Variants in GADL1 observed in about 807,000 individuals in gnomAD.
The protein encoded by GADL1 is acidic amino acid decarboxylase GADL1.
Under a neutral mutation model 69.5 loss-of-function variants are expected in GADL1, and 71 were observed. The ratio of observed to expected loss-of-function variants is 1.02; its 90% confidence interval spans 0.84 to 1.25. GADL1 has a LOEUF of 1.25. Ranked by LOEUF, GADL1 falls within the 50% of genes most tolerant of loss-of-function variation. The pLI, the probability that GADL1 is intolerant of heterozygous loss-of-function variation, is 0.00. For missense variants in GADL1, 737 were observed against 631.8 expected, an observed-to-expected ratio of 1.17 and a Z score of -1.79; for synonymous variants, 254 against 214.4, an observed-to-expected ratio of 1.18 and a Z score of -1.62.
intron 14 of GADL1, among the ~76,000 whole-genome samples, chr3:30,763,508 G>T (rs1233869880): frequency 3.2e-5 from 3 of 93,320 alleles, no homozygotes; most frequent in East Asian, 3.0e-4. Flanking sequence ...TCTCGGCGGC[G>T]GGGGGTGGGG....
chr3:30,861,777 C>A lies in GADL1; in HGVS notation c.38-12G>T. ...TTGATCAATATCTCCTGGAAGCAAG[C>A]AAACAAATTGTGTTTGAGAGATAAT... On this transcript the variant is annotated splice_polypyrimidine_tract_variant and intron_variant, in intron 1 of 14. Transcript: ENST00000282538. 6.5e-7 allele frequency: 1 copy of A among 1,532,600 alleles called. No individual in the cohort carries two copies. Among genetic ancestry groups the A allele is most frequent in the Non-Finnish European group, 8.8e-7 (1 of 1,134,834 alleles). 94.9% of individuals were successfully genotyped at this position (1,532,600 alleles called of 1,614,324 possible).
At chr3:30,888,484 AG>A (rs1698738009) in intron 1 of GADL1, among the ~76,000 whole-genome samples, 1 of 152,158 alleles carries the variant, frequency 6.6e-6, no homozygotes, top group Non-Finnish European at 1.5e-5. Flanking sequence ...GAGAGAGAAG[AG>A]GGGTGTTCCA....
At chr3:30,780,658 A>G (rs1696646245) in intron 13 of GADL1, among the ~76,000 whole-genome samples, 1 of 152,158 alleles carries the variant, frequency 6.6e-6, no homozygotes, top group African/African-American at 2.4e-5. Flanking sequence ...TGGGTTCTAT[A>G]TTTTACAAGT....
intron 13 of GADL1, 66 bp from the exon 14 acceptor site, chr3:30,778,334 T>C (rs1696586270): frequency 3.0e-6 from 3 of 1,007,446 alleles, no homozygotes; most frequent in Non-Finnish European, 4.6e-6. Context: ...TGAAATACTT[T>C]TAAAACTCTT....
chr3:30,746,344 C>T (rs953385241), intron 14 of GADL1, among the ~76,000 whole-genome samples: 4 of 152,170 alleles, frequency 2.6e-5, no homozygotes, highest in Non-Finnish European at 4.4e-5. Flanking sequence ...CCACTCACTG[C>T]AGACCTACTG....
At chr3:30,883,779 G>C (rs1479247789) in intron 1 of GADL1, among the ~76,000 whole-genome samples, 2 of 152,016 alleles carry the variant, frequency 1.3e-5, no homozygotes, top group Non-Finnish European at 2.9e-5. Context: ...CATGAACACA[G>C]TATGTCTCTT....
intron 11 of GADL1, among the ~76,000 whole-genome samples, chr3:30,816,671 G>A (rs1421772489): frequency 6.8e-6 from 1 of 147,394 alleles, no homozygotes; most frequent in East Asian, 2.1e-4. Context: ...GCAGCCTCCC[G>A]AGTAGCTGGG....
At chr3:30,751,128 G>A (rs1407270330) in intron 14 of GADL1, among the ~76,000 whole-genome samples, 1 of 150,080 alleles carries the variant, frequency 6.7e-6, no homozygotes, top group Non-Finnish European at 1.5e-5. Context: ...GGCAGCTTAC[G>A]GGCCATATCC....
chr3:30,750,111 G>A (rs1559486221), intron 14 of GADL1, among the ~76,000 whole-genome samples: 1 of 152,250 alleles, frequency 6.6e-6, no homozygotes, highest in East Asian at 1.9e-4. Context: ...CTTCATCAAA[G>A]TAAATTAGAA....
chr3:30,793,971 T>A (rs1408178970), intron 12 of GADL1, among the ~76,000 whole-genome samples: 1 of 152,220 alleles, frequency 6.6e-6, no homozygotes, highest in African/African-American at 2.4e-5. Flanking sequence ...CTTGTGGAAT[T>A]CATCACAGAC....
At chr3:30,791,246 C>T (rs1031273623) in intron 12 of GADL1, among the ~76,000 whole-genome samples, 43 of 152,054 alleles carry the variant, frequency 2.8e-4, no homozygotes, top group African/African-American at 7.2e-5. Context: ...GTGAACCATC[C>T]TTTTTCTCCC....
At chr3:30,796,890 C>G (rs922919164) in intron 12 of GADL1, among the ~76,000 whole-genome samples, 11 of 152,288 alleles carry the variant, frequency 7.2e-5, no homozygotes, top group African/African-American at 2.6e-4. Context: ...ACCAGAATTA[C>G]TGACTTCTAA....
chr3:30,821,505 A>G lies in GADL1; in HGVS notation c.1050+12348T>C, dbSNP rs541954968. ...CCATGTGATGGGTTCGTGGAAGTTC[A>G]TCTCTACTTTTGTACATATTTGAAA... On this transcript the variant is annotated intron_variant, in intron 11 of 14. Transcript: ENST00000282538. Among the ~76,000 whole-genome samples the G allele has an allele frequency of 8.3e-4, 125 of 150,940 alleles. 3 individuals are homozygous for G. In the South Asian group the frequency reaches 0.024, roughly 29 times the overall value.
At chr3:30,834,342 G>C (rs1414103416) in intron 9 of GADL1, 61 bp from the exon 10 acceptor site, 1 of 1,423,074 alleles carries the variant, frequency 7.0e-7, no homozygotes, top group African/African-American at 1.4e-5. Context: ...TTACCAGTGG[G>C]TTGTCATAGA....
chr3:30,848,824 C>T (rs761187241), intron 6 of GADL1, among the ~76,000 whole-genome samples: 2 of 152,128 alleles, frequency 1.3e-5, no homozygotes, highest in African/African-American at 2.4e-5. Context: ...TTAACATTTG[C>T]CAAAACTCAC....
chr3:30,854,656 C>T, intron 4 of GADL1, 43 bp downstream of exon 4: 1 of 1,175,208 alleles, frequency 8.5e-7, no homozygotes. Flanking sequence ...CTTAAAGTCT[C>T]TAATCCACGT....
At position 30,838,999 on chromosome 3, in the gene GADL1, C is replaced by T; in HGVS notation, c.901G>A (p.Asp301Asn). 6.4e-7 allele frequency: 1 copy of T among 1,567,870 alleles called. No homozygotes were observed. The highest frequency in any genetic ancestry group is 2.3e-5 in the East Asian group (1 of 43,938). Residue 301 changes from aspartate to asparagine, a missense_variant and splice_region_variant, in exon 9 of 15, where the codon GAT becomes AAT. Coordinates refer to ENST00000282538, the MANE Select transcript of GADL1 (RefSeq NM_207359.3). ...TATGTACACATAAATGAACTTACAT[C>T]TACATGAAGCCAGAGGCTGTGCCTC... ...CERHSLWLHV[D>N]ASWGGSALMS...
intron 1 of GADL1, among the ~76,000 whole-genome samples, chr3:30,889,431 G>C (rs1698756483): frequency 6.6e-6 from 1 of 152,118 alleles, no homozygotes. Flanking sequence ...AACACCTCAA[G>C]CACACGTGCA....
At chr3:30,837,200 A>T (rs1029799749) in intron 9 of GADL1, among the ~76,000 whole-genome samples, 1 of 152,138 alleles carries the variant, frequency 6.6e-6, no homozygotes, top group African/African-American at 2.4e-5. Flanking sequence ...ATACTCTAGA[A>T]GATTTCAAAC....
Sources: allele counts gnomAD v4.1 joint callset (sites outside exome capture counted in the v4.1 genomes callset), GRCh38; gene constraint gnomAD v4.1.1; transcripts MANE v1.5; gene names NCBI Gene and HGNC (gene_info 2026-07-23, HGNC 2026-07-21).